Variants in LMF2 observed in about 807,000 individuals in gnomAD.
The protein encoded by LMF2 is transmembrane protein 112B.
A neutral mutation model predicts 81.5 loss-of-function variants in LMF2; 113 were observed. That is an observed-to-expected ratio of 1.39 (90% confidence interval 1.19 to 1.62). The LOEUF (loss-of-function observed/expected upper bound fraction) is 1.62. LMF2 is among the 40% of genes most tolerant of loss of function. LMF2 has a pLI of 0.00. For synonymous variants in LMF2, 645 were observed against 424.5 expected, an observed-to-expected ratio of 1.52 and a Z score of -6.39; for missense variants, 1,235 against 929.1, an observed-to-expected ratio of 1.33 and a Z score of -4.28.
chr22:50,506,398 AG>A lies in LMF2; in HGVS notation c.481del (p.Leu161CysfsTer27). On this transcript the variant is annotated frameshift_variant, in exon 4 of 14. Coordinates refer to ENST00000474879, the MANE Select transcript of LMF2 (RefSeq NM_033200.3). LOFTEE classifies it high-confidence loss of function. ...EAPQGRQAGA[L>X]PHEDLPFWLV... is the part of the protein sequence containing the mutation. ...CCAGAAGGGGAGGTCTTCGTGGGGC[AG>A]GGCCCCTGCCTGCCTGCCCTGGGGG... 6.5e-7 allele frequency: 1 copy of A among 1,550,042 alleles called. No individual in the cohort carries two copies. Among genetic ancestry groups the A allele is most frequent in the Non-Finnish European group, 8.7e-7 (1 of 1,147,466 alleles).
chr22:50,503,229 G>A lies in LMF2; in HGVS notation c.*162C>T, dbSNP rs756022766. On this transcript the variant is annotated 3_prime_UTR_variant, in exon 14 of 14. Coordinates refer to ENST00000474879, the MANE Select transcript of LMF2 (RefSeq NM_033200.3). Reference sequence around the variant, plus strand: ...ATGGCTGGCGTGGGGGTGGGGCCTGGAGCCCTCAATGCAGCACCCTGCAAA... The same window carrying A: ...ATGGCTGGCGTGGGGGTGGGGCCTGAAGCCCTCAATGCAGCACCCTGCAAA... The A allele has an allele frequency of 7.5e-6, 5 of 662,504 alleles. No individual in the cohort carries two copies. Among genetic ancestry groups the A allele is most frequent in the Admixed American group, 3.5e-5 (1 of 28,938 alleles). The allele number at this position is 662,504 out of a possible 1,614,324, so 41.0% of individuals were successfully genotyped here. A position where few individuals can be genotyped will look rare whatever the true frequency, so the allele number is the denominator to read the frequency against.
chr22:50,503,789 C>A lies in LMF2; in HGVS notation c.1815+19G>T, dbSNP rs777172053. The A allele has an allele frequency of 1.7e-5, 27 of 1,601,926 alleles. 1 individual carries two copies. In the Middle Eastern group the frequency reaches 6.6e-4, roughly 39 times the overall value. ...GGTCACCCCTGCCACCTCCCCCAGC[C>A]TGGCTGACACCCCCTTACCTGTAGT... On this transcript the variant is annotated intron_variant, in intron 13 of 13. Coordinates refer to ENST00000474879, the MANE Select transcript of LMF2 (RefSeq NM_033200.3).
intron 1 of LMF2, 54 bp downstream of exon 1, chr22:50,507,528 A>C: frequency 7.6e-7 from 1 of 1,314,072 alleles, no homozygotes; most frequent in East Asian, 2.5e-5. Context: ...CAGAGAAAAG[A>C]GGACATAGGG....
In LMF2 at chr22:50,505,659, A is replaced by G; in HGVS notation, c.916+15T>C. ...AACCCCTGGGAGGGCAGGGGGCTGGACAAGTGACACGCACAGGTGGCCGTC... is the reference window on the plus strand; with the variant it reads ...AACCCCTGGGAGGGCAGGGGGCTGGGCAAGTGACACGCACAGGTGGCCGTC... On this transcript the variant is annotated intron_variant, in intron 6 of 13. Coordinates refer to ENST00000474879, the MANE Select transcript of LMF2 (RefSeq NM_033200.3). 1 of 1,612,610 alleles carries G rather than the reference A, an allele frequency of 6.2e-7. No homozygotes were observed. Among genetic ancestry groups the G allele is most frequent in the Non-Finnish European group, 8.5e-7 (1 of 1,179,806 alleles).
chr22:50,503,997 C>T, intron 12 of LMF2, 93 bp from the exon 13 acceptor site: 6 of 1,118,312 alleles, frequency 5.4e-6, no homozygotes, highest in Middle Eastern at 2.5e-4. Flanking sequence ...CTCAGCTCCT[C>T]ACGCTCCACA....
In LMF2 at chr22:50,506,556, C is replaced by T. The variant is rs1320921538; in HGVS notation, c.378-54G>A. The stretch of plus-strand genomic sequence containing the variant: ...CCCCTCCCCACACAGCTGCTTCCCT[C>T]GGAAAGTCCTCCCAGGAAGGGCAGA... On this transcript the variant is annotated intron_variant, in intron 3 of 13. Coordinates refer to ENST00000474879, the MANE Select transcript of LMF2 (RefSeq NM_033200.3). 4.4e-6 allele frequency: 7 copies of T among 1,582,492 alleles called. No individual in the cohort carries two copies. The Admixed American group carries it at 5.3e-5, about 12-fold the overall frequency.
rs747779663 is a variant in LMF2, at chr22:50,503,351, C to T, written c.*40G>A. On this transcript the variant is annotated 3_prime_UTR_variant, in exon 14 of 14. Transcript: ENST00000474879. ...CTGCCGGAGGCCAGAGCACTCCCGG[C>T]GACCTGGCCCTCTCAGGACGTGCAG... 28 of 1,601,710 alleles carry T rather than the reference C, an allele frequency of 1.7e-5. No homozygotes were observed. The highest frequency in any genetic ancestry group is 8.9e-5 in the South Asian group (8 of 90,010).
At position 50,505,464 on chromosome 22, in the gene LMF2, G is replaced by T. The variant is rs759911899; in HGVS notation, c.990C>A (p.Gly330=). Residue 330 remains glycine, a synonymous_variant, in exon 7 of 14, where the codon GGC becomes GGA. Transcript: ENST00000474879. ...ELAVYGLLAY[G]TVHYFGLEVD... is the part of the protein sequence containing the mutation. ...CCTCCAGGCCAAAGTAGTGCACAGT[G>T]CCATAGGCCAGAAGCCCGTAGACGG... 1 of 1,612,968 alleles carries T rather than the reference G, an allele frequency of 6.2e-7. No individual in the cohort carries two copies. Among genetic ancestry groups the T allele is most frequent in the Non-Finnish European group, 8.5e-7 (1 of 1,180,026 alleles).
chr22:50,507,170 C>A, intron 1 of LMF2, 135 bp from the exon 2 acceptor site: 1 of 1,364,918 alleles, frequency 7.3e-7, no homozygotes, highest in Non-Finnish European at 9.7e-7. Flanking sequence ...AGTCTGCAGT[C>A]CCTCCAGAGC....
rs752866373 is a variant in LMF2, at chr22:50,504,879, G to A, written c.1360C>T (p.Leu454Phe). ...EHLQLANSYGLFRRMTGLGGR... is the reference protein window; with the variant it reads ...EHLQLANSYGFFRRMTGLGGR... ...CCAAGCCCAGTCATGCGGCGGAAGA[G>A]GCCGTAGGAGTTGGCCAGCTGTAGG... Residue 454 changes from leucine to phenylalanine, a missense_variant, in exon 10 of 14, where the codon CTC becomes TTC. Physicochemically the swap from Leu to Phe is conservative, Grantham distance 22. Coordinates refer to ENST00000474879, the MANE Select transcript of LMF2 (RefSeq NM_033200.3). 18 of 1,611,014 alleles carry A rather than the reference G, an allele frequency of 1.1e-5. No individual in the cohort carries two copies. The highest frequency in any genetic ancestry group is 1.7e-5 in the Admixed American group (1 of 59,840).
Position 50,505,138 on chromosome 22 carries a change from C to G in LMF2, c.1173G>C (p.Arg391=), listed in dbSNP as rs566808865. The G allele has an allele frequency of 6.2e-7, 1 of 1,612,958 alleles. No homozygotes were observed. Among genetic ancestry groups the G allele is most frequent in the East Asian group, 2.2e-5 (1 of 44,886 alleles). Residue 391 remains arginine, a synonymous_variant, in exon 9 of 14, where the codon CGG becomes CGC. Coordinates refer to ENST00000474879, the MANE Select transcript of LMF2 (RefSeq NM_033200.3). ...CAGCACTGAGCTTCCGTAGCCAGCC[C>G]CGCACCTGGGTCCACCTGTGGGCAA... ...LSALWRWTQV[R]GWLRKLSAVV...
In LMF2 at chr22:50,505,529, T is replaced by C; in HGVS notation, c.925A>G (p.Lys309Glu). 1 of 1,612,482 alleles carries C rather than the reference T, an allele frequency of 6.2e-7. No homozygotes were observed. The highest frequency in any genetic ancestry group is 8.5e-7 in the Non-Finnish European group (1 of 1,179,986). ...SRKKTATSWP[K>E]ALLATLSLLL... ...AGCGACAGGGTGGCCAGCAGGGCCT[T>C]GGGCCAGGCTGTGGGGCAGGACAGT... The change falls in exon 7 of 14, where the codon AAG becomes GAG. Residue 309 changes from lysine (K) to glutamate (E), a missense_variant. Lys to Glu is a moderately conservative substitution (Grantham distance 56, BLOSUM62 1). Transcript: ENST00000474879.
Position 50,503,405 on chromosome 22 carries a change from G to A in LMF2, c.2110C>T (p.Arg704Trp), listed in dbSNP as rs144527949. 5.2e-5 allele frequency: 84 copies of A among 1,610,100 alleles called. No individual in the cohort carries two copies. The highest frequency in any genetic ancestry group is 8.4e-5 in the Admixed American group (5 of 59,216). The change falls in exon 14 of 14, where the codon CGG becomes TGG. Residue 704 changes from arginine (R) to tryptophan (W), a missense_variant. By Grantham distance (101) the Arg-to-Trp change is moderately radical. Transcript: ENST00000474879. ...NPCSSSSRTT[R>W]RKK ...GGAGAACACAGCTACTTCTTTCGCC[G>A]GGTGGTCCTCGAACTACTGGAGCAG...
In LMF2 at chr22:50,505,323, G is replaced by A; in HGVS notation, c.1063C>T (p.His355Tyr). ...GTCTTCAGCCACTGAGAAAACTGGT[G>A]GAAGGTGAAAGCTGGTGGAGGAGGG... ...TIHSRTTFTF[H>Y]QFSQWLKTLT... The change falls in exon 8 of 14, where the codon CAC becomes TAC. Residue 355 changes from histidine to tyrosine, a missense_variant. Coordinates refer to ENST00000474879, the MANE Select transcript of LMF2 (RefSeq NM_033200.3). The A allele has an allele frequency of 1.2e-6, 2 of 1,613,306 alleles. No homozygotes were observed. Among genetic ancestry groups the A allele is most frequent in the Non-Finnish European group, 1.7e-6 (2 of 1,180,010 alleles).
At position 50,503,525 on chromosome 22, in the gene LMF2, A is replaced by AG; in HGVS notation, c.1989dup (p.Ser664LeufsTer36). The AG allele has an allele frequency of 3.2e-6, 5 of 1,568,828 alleles. No individual in the cohort carries two copies. Among genetic ancestry groups the AG allele is most frequent in the Non-Finnish European group, 3.4e-6 (4 of 1,161,906 alleles). On this transcript the variant is annotated frameshift_variant, in exon 14 of 14. Coordinates refer to ENST00000474879, the MANE Select transcript of LMF2 (RefSeq NM_033200.3). LOFTEE classifies it low-confidence loss of function (END_TRUNC). ...TCCCCGCTGACTGGTGCCAGCGGGG[A>AG]GGACCGGAGAGAACAGGGTGCTAGC...
chr22:50,504,003 C>G (rs1243005190), intron 12 of LMF2, 99 bp from the exon 13 acceptor site: 1 of 1,095,270 alleles, frequency 9.1e-7, no homozygotes, highest in African/African-American at 1.6e-5. Context: ...TCCTCACGCT[C>G]CACATCCCCC....
intron 1 of LMF2, 57 bp from the exon 2 acceptor site, chr22:50,507,092 T>C (rs1270455444): frequency 1.3e-6 from 2 of 1,533,154 alleles, no homozygotes; most frequent in African/African-American, 1.4e-5. Context: ...CTAGACTACC[T>C]CTGAGTCAGG....
At position 50,505,423 on chromosome 22, in the gene LMF2, C is replaced by T. The variant is rs763391596; in HGVS notation, c.1031G>A (p.Arg344His). The change falls in exon 7 of 14, where the codon CGC (arginine) becomes CAC (histidine). Residue 344 changes from arginine (R) to histidine (H), a missense_variant. Arg to His is a conservative substitution (Grantham distance 29). Coordinates refer to ENST00000474879, the MANE Select transcript of LMF2 (RefSeq NM_033200.3). ...CTCACTGGTTCTGGAGTGGATGGTG[C>T]GCTGCTGCCAGTCAACCTCCAGGCC... Reference protein sequence around the residue: ...YFGLEVDWQQRTIHSRTTFTF... With the variant: ...YFGLEVDWQQHTIHSRTTFTF... The T allele has an allele frequency of 8.1e-5, 131 of 1,612,934 alleles. 1 individual carries two copies. Among genetic ancestry groups the T allele is most frequent in the South Asian group, 5.9e-4 (54 of 91,086 alleles).
At position 50,507,629 on chromosome 22, in the gene LMF2, G is replaced by A. The variant is rs1186848920; in HGVS notation, c.47C>T (p.Ala16Val). The change falls in exon 1 of 14, where the codon GCG becomes GTG. Residue 16 changes from alanine (A) to valine (V), a missense_variant. Transcript: ENST00000474879. ...LPRQLFLQGV[A>V]AVFMFAFASL... ...AGCGAAAGCAAACATGAAGACGGCC[G>A]CCACGCCCTGGAGGAAGAGCTGCCG... The A allele has an allele frequency of 6.4e-7, 1 of 1,557,210 alleles. No homozygotes were observed. Among genetic ancestry groups the A allele is most frequent in the Non-Finnish European group, 8.7e-7 (1 of 1,151,212 alleles).
Sources: gnomAD v4.1 joint callset for allele counts on GRCh38, gnomAD v4.1.1 for gene constraint, MANE v1.5 for transcripts, NCBI Gene and HGNC (gene_info 2026-07-23, HGNC 2026-07-21) for gene names.